Variants in FGGY observed in about 807,000 individuals in gnomAD.
The protein encoded by FGGY is FGGY carbohydrate kinase domain-containing protein.
In FGGY, 72 loss-of-function variants were observed where a neutral mutation model predicts 71.3. That is an observed-to-expected ratio of 1.01 (90% CI 0.84 to 1.23). FGGY has a LOEUF of 1.23. Ranked by LOEUF, FGGY falls within the 50% of genes most tolerant of loss-of-function variation. FGGY has a pLI of 0.00. For missense variants in FGGY, 668 were observed against 682.3 expected (o/e 0.98, Z 0.23); for synonymous variants, 251 against 250.3 (o/e 1.00, Z -0.02).
At chr1:59,524,056 G>A (rs2094909138) in intron 7 of FGGY, among the ~76,000 whole-genome samples, 1 of 152,230 alleles carries the variant, frequency 6.6e-6, no homozygotes, top group Non-Finnish European at 1.5e-5. Flanking sequence ...GCTCTCAGGG[G>A]CCCAGGAAGC....
At chr1:59,664,292 G>A (rs1476271733) in intron 12 of FGGY, among the ~76,000 whole-genome samples, 1 of 152,194 alleles carries the variant, frequency 6.6e-6, no homozygotes, top group African/African-American at 2.4e-5. Context: ...TCAGTAGGGT[G>A]GAGTATTACA....
chr1:59,601,565 T>C (rs903205411), intron 8 of FGGY, among the ~76,000 whole-genome samples: 3 of 152,218 alleles, frequency 2.0e-5, no homozygotes, highest in African/African-American at 7.2e-5. Flanking sequence ...TCAGCTATAA[T>C]ATGGGCTGAC....
chr1:59,675,592 G>A (rs1243811520), intron 14 of FGGY, among the ~76,000 whole-genome samples: 2 of 152,138 alleles, frequency 1.3e-5, no homozygotes, highest in East Asian at 1.9e-4. Context: ...TTCAGTTCTC[G>A]ACTTTTTCTG....
intron 14 of FGGY, among the ~76,000 whole-genome samples, chr1:59,744,660 G>T (rs1448034195): frequency 2.0e-5 from 3 of 152,236 alleles, no homozygotes; most frequent in African/African-American, 7.2e-5. Flanking sequence ...ACAACTGAGG[G>T]AGATCCTAAA....
intron 8 of FGGY, among the ~76,000 whole-genome samples, chr1:59,576,732 G>C (rs1372927992): frequency 6.6e-6 from 1 of 150,588 alleles, no homozygotes; most frequent in African/African-American, 2.4e-5. Context: ...ATGAAATTGA[G>C]TAAATGATCT....
Position 59,380,688 on chromosome 1 carries a change from A to G in FGGY, c.554+1851A>G, listed in dbSNP as rs949728704. Among the ~76,000 whole-genome samples the G allele has an allele frequency of 9.2e-5, 14 of 151,540 alleles. 1 individual carries two copies. Among genetic ancestry groups the G allele is most frequent in the African/African-American group, 3.4e-4 (14 of 40,800 alleles). ...TTTGAGTTCTTTGTAGATTCTGGAT[A>G]TTAGTCCTTTGTCAGATGAGTAGAT... On this transcript the variant is annotated intron_variant, in intron 5 of 15. Coordinates refer to ENST00000303721, the MANE Select transcript of FGGY (RefSeq NM_018291.5).
intron 10 of FGGY, among the ~76,000 whole-genome samples, chr1:59,634,365 CCACTG>C (rs1305712602): frequency 1.3e-5 from 2 of 152,100 alleles, no homozygotes; most frequent in African/African-American, 4.8e-5. Flanking sequence ...TGAGATCACA[CCACTG>C]CACTCCAGCC....
At chr1:59,489,212 T>C (rs966049302) in intron 6 of FGGY, among the ~76,000 whole-genome samples, 1 of 152,158 alleles carries the variant, frequency 6.6e-6, no homozygotes, top group Non-Finnish European at 1.5e-5. Flanking sequence ...CAAACATTTG[T>C]CATTTCTTTG....
At position 59,716,509 on chromosome 1, in the gene FGGY, G is replaced by C. The variant is rs1385902403; in HGVS notation, c.1513-41422G>C. Reference sequence around the variant, plus strand: ...TTTGCACTCCATTTGGGGACCCTCAGAGGAAACGTTGCTAGGAACTTTTGG... The same window carrying C: ...TTTGCACTCCATTTGGGGACCCTCACAGGAAACGTTGCTAGGAACTTTTGG... On this transcript the variant is annotated intron_variant, in intron 14 of 15. Transcript: ENST00000303721. Among the ~76,000 whole-genome samples, 71 of 152,328 alleles carry C rather than the reference G, an allele frequency of 4.7e-4. 1 individual carries two copies. The highest frequency in any genetic ancestry group is 7.4e-5 in the Non-Finnish European group (5 of 68,024).
intron 9 of FGGY, among the ~76,000 whole-genome samples, chr1:59,610,785 G>A (rs1278828353): frequency 6.6e-6 from 1 of 152,234 alleles, no homozygotes. Flanking sequence ...ATGACAGATG[G>A]CACCTGGAAA....
chr1:59,698,827 G>T, intron 14 of FGGY: 1 of 985,358 alleles, frequency 1.0e-6, no homozygotes, highest in African/African-American at 1.7e-5. Flanking sequence ...TAATATGTGT[G>T]TGCCCACAGC....
chr1:59,317,523 G>A (rs149048716), intron 1 of FGGY, among the ~76,000 whole-genome samples: 1 of 152,254 alleles, frequency 6.6e-6, no homozygotes, highest in East Asian at 1.9e-4. Flanking sequence ...ACTTTTTGAG[G>A]CCAAGGGGTA....
At chr1:59,485,597 T>G (rs2153575516) in intron 6 of FGGY, among the ~76,000 whole-genome samples, 1 of 151,936 alleles carries the variant, frequency 6.6e-6, no homozygotes, top group African/African-American at 2.4e-5. Flanking sequence ...CTGTTGTTTT[T>G]GCTTTATTAG....
At chr1:59,740,206 G>A (rs2098136554) in intron 14 of FGGY, among the ~76,000 whole-genome samples, 2 of 152,192 alleles carry the variant, frequency 1.3e-5, no homozygotes, top group South Asian at 2.1e-4. Flanking sequence ...TACCCAATGT[G>A]AGTGTCAATC....
rs868340985 is a variant in FGGY at position 59,313,811 on chromosome 1, A to G, written c.-14-7725A>G. On this transcript the variant is annotated intron_variant, in intron 1 of 15. Coordinates refer to ENST00000303721, the MANE Select transcript of FGGY (RefSeq NM_018291.5). ...GGACATTGGGGACTCAGTGGGAAAG[A>G]GCGGGAAGGGAGTGAGGGATATAAG... 2.0e-5 allele frequency among the ~76,000 whole-genome samples: 3 copies of G among 152,286 alleles called. No homozygotes were observed. In the South Asian group the frequency reaches 6.2e-4, roughly 32 times the overall value.
Position 59,582,152 on chromosome 1 carries a change from G to T in FGGY, c.904-25651G>T, listed in dbSNP as rs150825149. ...TAGTCCCAGCTACTTGGGAGGCTAA[G>T]GCAGGAGGATCACTTGAACCCAGGA... On this transcript the variant is annotated intron_variant, in intron 8 of 15. Transcript: ENST00000303721. 7.3e-4 allele frequency among the ~76,000 whole-genome samples: 109 copies of T among 149,568 alleles called. 2 individuals are homozygous for T. In the East Asian group the frequency reaches 0.018, roughly 25 times the overall value.
chr1:59,336,045 T>G (rs1471998122), intron 2 of FGGY, among the ~76,000 whole-genome samples: 2 of 152,164 alleles, frequency 1.3e-5, no homozygotes, highest in African/African-American at 4.8e-5. Flanking sequence ...TGCTTGCTTT[T>G]TATAAAATCT....
At chr1:59,408,911 C>T (rs1362163552) in intron 5 of FGGY, among the ~76,000 whole-genome samples, 2 of 152,106 alleles carry the variant, frequency 1.3e-5, no homozygotes, top group South Asian at 2.1e-4. Context: ...CTTGGGTTCG[C>T]GAACTAGAGA....
intron 5 of FGGY, among the ~76,000 whole-genome samples, chr1:59,424,422 C>T (rs2065982858): frequency 6.6e-6 from 1 of 152,162 alleles, no homozygotes; most frequent in African/African-American, 2.4e-5. Context: ...TGGCACACGC[C>T]TGTAATTCCA....
Sources: allele counts gnomAD v4.1 joint callset (sites outside exome capture counted in the v4.1 genomes callset), GRCh38; gene constraint gnomAD v4.1.1; transcripts MANE v1.5; gene names NCBI Gene and HGNC (gene_info 2026-07-23, HGNC 2026-07-21).